The following TFAP2C variants were observed in gnomAD, a reference collection of about 807,000 sequenced individuals.
The protein encoded by TFAP2C is activating enhancer-binding protein 2 gamma.
A neutral mutation model predicts 42.9 loss-of-function variants in TFAP2C; 9 were observed. The observed-to-expected ratio is 0.21, with a 90% CI of 0.13 to 0.37. TFAP2C has a LOEUF of 0.37. TFAP2C is among the 10% of genes least tolerant of loss of function. TFAP2C has a pLI of 1.00. For synonymous variants in TFAP2C, 264 were observed against 256.0 expected (o/e 1.03, Z -0.30); for missense variants, 462 against 591.7 (o/e 0.78, Z 2.27).
chr20:56,634,072 G>T, intron 4 of TFAP2C, 78 bp from the exon 5 acceptor site: 1 of 947,106 alleles, frequency 1.1e-6, no homozygotes, highest in Non-Finnish European at 1.7e-6. Context: ...CACTTTAGGA[G>T]TTTAGAATTT....
rs1555825343 is a variant in TFAP2C, at chr20:56,631,754, A to G, written c.535-51A>G. ...CTACGGCCTTCTGCCCCCACCCCGC[A>G]CTCCTCTAGGCTCCCCCGAACTTAA... On this transcript the variant is annotated intron_variant, in intron 2 of 6. Transcript: ENST00000201031. This position sits in a 1 kb window ranked among gnomAD's most constrained non-coding sequence, Gnocchi z 6.1. The G allele has an allele frequency of 6.2e-7, 1 of 1,611,310 alleles. No individual in the cohort carries two copies. The highest frequency in any genetic ancestry group is 2.2e-5 in the East Asian group (1 of 44,772).
chr20:56,637,637 C>T, intron 6 of TFAP2C, 91 bp from the exon 7 acceptor site: 1 of 1,312,090 alleles, frequency 7.6e-7, no homozygotes, highest in South Asian at 1.4e-5. Flanking sequence ...GTGCTTGCCT[C>T]CCGGGCGCCA....
intron 3 of TFAP2C, 140 bp from the exon 4 acceptor site, chr20:56,633,213 A>T: frequency 1.6e-6 from 1 of 625,192 alleles, no homozygotes; most frequent in Non-Finnish European, 2.8e-6. Context: ...TTTTTTAAAT[A>T]AAGTCAGCCT....
rs1987640311 is a variant in TFAP2C, at chr20:56,639,060, C to T, written c.*1047C>T. Reference sequence around the variant, plus strand: ...TATTAAGAATTAAGAGGATGCTGGGCTCTGTTCTTGGCTTGGAAGATTCTA... The same window carrying T: ...TATTAAGAATTAAGAGGATGCTGGGTTCTGTTCTTGGCTTGGAAGATTCTA... On this transcript the variant is annotated 3_prime_UTR_variant, in exon 7 of 7. Coordinates refer to ENST00000201031, the MANE Select transcript of TFAP2C (RefSeq NM_003222.4). 1 of 152,482 alleles carries T rather than the reference C, an allele frequency of 6.6e-6. No individual in the cohort carries two copies. Among genetic ancestry groups the T allele is most frequent in the African/African-American group, 2.4e-5 (1 of 41,396 alleles). The allele number at this position is 152,482 out of a possible 1,614,324, so 9.4% of individuals were successfully genotyped here.
At position 56,631,350 on chromosome 20, in the gene TFAP2C, A is replaced by G. The variant is rs1342408280; in HGVS notation, c.194A>G (p.Gln65Arg). 1.2e-6 allele frequency: 2 copies of G among 1,610,886 alleles called. No homozygotes were observed. Among genetic ancestry groups the G allele is most frequent in the Non-Finnish European group, 1.7e-6 (2 of 1,178,900 alleles). Residue 65 changes from glutamine to arginine, a missense_variant, in exon 2 of 7, where the codon CAG (glutamine) becomes CGG (arginine). Physicochemically the swap from Gln to Arg is conservative, Grantham distance 43. Coordinates refer to ENST00000201031, the MANE Select transcript of TFAP2C (RefSeq NM_003222.4). This position sits in a 1 kb window ranked among gnomAD's most constrained non-coding sequence, Gnocchi z 6.1. ...QPPPYFPPPY[Q>R]QLAYSQSADP... ...CCACCCTACTTTCCCCCTCCCTACC[A>G]GCAGCTGGCCTACTCCCAGTCGGCC...
Position 56,629,762 on chromosome 20 carries a change from A to G in TFAP2C, c.48+170A>G, listed in dbSNP as rs562533639. On this transcript the variant is annotated intron_variant, in intron 1 of 6. Coordinates refer to ENST00000201031, the MANE Select transcript of TFAP2C (RefSeq NM_003222.4). The surrounding 1 kb of genome is among the most constrained non-coding windows in gnomAD (Gnocchi z 5.9). The stretch of plus-strand genomic sequence containing the variant: ...CATTTCTGCGGGGCCCCTTTCCTGT[A>G]TAGGGCCTTTTCCTAAATAGCCTCC... Among the ~76,000 whole-genome samples, 302 of 151,962 alleles carry G rather than the reference A, an allele frequency of 2.0e-3. 1 individual carries two copies. Among genetic ancestry groups the G allele is most frequent in the Non-Finnish European group, 3.3e-3 (226 of 67,940 alleles).
At position 56,629,572 on chromosome 20, in the gene TFAP2C, A is replaced by G. The variant is rs1198729665; in HGVS notation, c.28A>G (p.Lys10Glu). ...GTTGTGGAAAATAACCGATAATGTC[A>G]AGTACGAAGAGGACTGCGAGGTGAG... The part of the protein sequence containing the change: MLWKITDNV[K>E]YEEDCEDRHD... The change falls in exon 1 of 7, where the codon AAG becomes GAG. Residue 10 changes from lysine to glutamate, a missense_variant. By Grantham distance (56) the Lys-to-Glu change is moderately conservative. This residue lies in a region of TFAP2C where 271 missense variants were observed against 269.7 expected (regional missense o/e 1.00). Transcript: ENST00000201031. This position sits in a 1 kb window ranked among gnomAD's most constrained non-coding sequence, Gnocchi z 5.9. 7.0e-7 allele frequency: 1 copy of G among 1,424,606 alleles called. No individual in the cohort carries two copies. The allele number at this position is 1,424,606 out of a possible 1,614,324, so 88.2% of individuals were successfully genotyped here.
intron 3 of TFAP2C, among the ~76,000 whole-genome samples, chr20:56,632,945 C>T (rs760455161): frequency 6.6e-6 from 1 of 152,116 alleles, no homozygotes; most frequent in Admixed American, 6.6e-5. Flanking sequence ...CAGCCATGGC[C>T]AGGTGCAGTG....
chr20:56,636,882 A>C, intron 6 of TFAP2C, 128 bp downstream of exon 6: 1 of 1,185,566 alleles, frequency 8.4e-7, no homozygotes, highest in Non-Finnish European at 1.2e-6. Context: ...GTGGAGCAAA[A>C]GAAAATGGCA....
rs1568750826 is a variant in TFAP2C at position 56,629,667 on chromosome 20, C to A, written c.48+75C>A. On this transcript the variant is annotated intron_variant, in intron 1 of 6. Coordinates refer to ENST00000201031, the MANE Select transcript of TFAP2C (RefSeq NM_003222.4). The surrounding 1 kb of genome is among the most constrained non-coding windows in gnomAD (Gnocchi z 5.9). ...GAGGCAGGGGCCACTGGACCGAGGT[C>A]GGGGACGAGGGCATAGGAGCCCTGG... is the stretch of plus-strand genomic sequence containing the variant. The A allele has an allele frequency of 1.6e-6, 2 of 1,223,622 alleles. No homozygotes were observed. The highest frequency in any genetic ancestry group is 1.1e-6 in the Non-Finnish European group (1 of 942,196). 75.8% of individuals were successfully genotyped at this position (1,223,622 alleles called of 1,614,324 possible). A position where few individuals can be genotyped will look rare whatever the true frequency, so the allele number is the denominator to read the frequency against.
Position 56,637,993 on chromosome 20 carries a change from A to G in TFAP2C, c.1333A>G (p.Met445Val). Residue 445 changes from methionine to valine, a missense_variant, in exon 7 of 7, where the codon ATG becomes GTG. This residue lies in a region of TFAP2C where 130 missense variants were observed against 160.8 expected (regional missense o/e 0.81). Transcript: ENST00000201031. ...TGATTCTAACAAAACCCTGGAGAAA[A>G]TGGAGAAACACAGGAAATAAAATTG... ...PADSNKTLEKMEKHRK is the reference protein window; with the variant it reads ...PADSNKTLEKVEKHRK 6.2e-7 allele frequency: 1 copy of G among 1,613,240 alleles called. No homozygotes were observed. The highest frequency in any genetic ancestry group is 8.5e-7 in the Non-Finnish European group (1 of 1,179,354).
At chr20:56,632,025 C>T (rs1316850617) in intron 3 of TFAP2C, among the ~76,000 whole-genome samples, 169 bp downstream of exon 3, 1 of 152,138 alleles carries the variant, frequency 6.6e-6, no homozygotes, top group African/African-American at 2.4e-5. Context: ...GGATTTCCCT[C>T]CGACCTCCTA....
chr20:56,631,117 G>C lies in TFAP2C; in HGVS notation c.49-88G>C, dbSNP rs565327009. On this transcript the variant is annotated intron_variant, in intron 1 of 6. Coordinates refer to ENST00000201031, the MANE Select transcript of TFAP2C (RefSeq NM_003222.4). The surrounding 1 kb of genome is among the most constrained non-coding windows in gnomAD (Gnocchi z 6.1). ...GGCGGGGTGCGGTTGGTCCCCCGGG[G>C]CCCTCTGCGTAGCCCGGCGATGCCG... 1.5e-4 allele frequency: 220 copies of C among 1,454,870 alleles called. No homozygotes were observed. In the African/African-American group the frequency reaches 2.7e-3, roughly 18 times the overall value. The allele number at this position is 1,454,870 out of a possible 1,614,324, so 90.1% of individuals were successfully genotyped here.
At chr20:56,632,817 GAAA>G (rs35789407) in intron 3 of TFAP2C, among the ~76,000 whole-genome samples, 4 of 141,428 alleles carry the variant, frequency 2.8e-5, no homozygotes, top group Non-Finnish European at 6.2e-5. Flanking sequence ...CAGCTGCTAG[GAAA>G]AAAAAAAAAA....
In TFAP2C at chr20:56,633,196, A is replaced by T. The variant is rs190660001; in HGVS notation, c.587-157A>T. ...TGGGCCACAGAGTGAGACTCTTATT[A>T]TTTTTTTTTTTTAAATAAAGTCAGC... On this transcript the variant is annotated intron_variant, in intron 3 of 6. Transcript: ENST00000201031. 0.055 allele frequency among the ~76,000 whole-genome samples: 8,119 copies of T among 147,680 alleles called. 293 individuals are homozygous for T. The highest frequency in any genetic ancestry group is 0.098 in the Middle Eastern group (28 of 286).
At position 56,638,102 on chromosome 20, in the gene TFAP2C, C is replaced by A; in HGVS notation, c.*89C>A. ...CGCACAGACTGGGAACCCCTCCTGG[C>A]CTGGGGGAAGAGTTTGTTACCTACC... On this transcript the variant is annotated 3_prime_UTR_variant, in exon 7 of 7. Coordinates refer to ENST00000201031, the MANE Select transcript of TFAP2C (RefSeq NM_003222.4). 1 of 1,246,308 alleles carries A rather than the reference C, an allele frequency of 8.0e-7. No homozygotes were observed. Among genetic ancestry groups the A allele is most frequent in the Admixed American group, 2.5e-5 (1 of 39,412 alleles). The allele number at this position is 1,246,308 out of a possible 1,614,324, so 77.2% of individuals were successfully genotyped here.
rs564772219 is a variant in TFAP2C at position 56,630,397 on chromosome 20, G to A, written c.48+805G>A. ...GGTTCCCGGCGCCCCGAGACCCCTGGGCAGATGGGGACGCATCCTTTAGAA... is the reference window on the plus strand; with the variant it reads ...GGTTCCCGGCGCCCCGAGACCCCTGAGCAGATGGGGACGCATCCTTTAGAA... On this transcript the variant is annotated intron_variant, in intron 1 of 6. Coordinates refer to ENST00000201031, the MANE Select transcript of TFAP2C (RefSeq NM_003222.4). This position sits in a 1 kb window ranked among gnomAD's most constrained non-coding sequence, Gnocchi z 5.1. The A allele has an allele frequency of 6.9e-5, 32 of 462,332 alleles. No homozygotes were observed. In the East Asian group the frequency reaches 1.4e-3, roughly 20 times the overall value. The allele number at this position is 462,332 out of a possible 1,614,324, so 28.6% of individuals were successfully genotyped here.
At chr20:56,636,944 A>G (rs1330794510) in intron 6 of TFAP2C, among the ~76,000 whole-genome samples, 190 bp downstream of exon 6, 1 of 152,246 alleles carries the variant, frequency 6.6e-6, no homozygotes, top group African/African-American at 2.4e-5. Context: ...ATGATTTAGA[A>G]GAGTGCATGA....
Position 56,629,999 on chromosome 20 carries a change from G to A in TFAP2C, c.48+407G>A, listed in dbSNP as rs545248731. On this transcript the variant is annotated intron_variant, in intron 1 of 6. Transcript: ENST00000201031. This position sits in a 1 kb window ranked among gnomAD's most constrained non-coding sequence, Gnocchi z 5.9. ...ACACCTTGGCGGACACTCCTCCAAG[G>A]CCGGCTTGTCACCTGCCCCGCTACC... Among the ~76,000 whole-genome samples the A allele has an allele frequency of 3.1e-3, 466 of 152,044 alleles. 7 individuals carry two copies. Among genetic ancestry groups the A allele is most frequent in the Non-Finnish European group, 2.9e-3 (196 of 68,006 alleles).
Sources: allele counts gnomAD v4.1 joint callset (sites outside exome capture counted in the v4.1 genomes callset), GRCh38; gene constraint gnomAD v4.1.1; regional missense constraint gnomAD v4.1.1; non-coding constraint Gnocchi (gnomAD v3.1); transcripts MANE v1.5; gene names NCBI Gene and HGNC (gene_info 2026-07-23, HGNC 2026-07-21).